GRID2: variants seen among roughly 807,000 people sequenced by gnomAD.
GRID2 encodes glutamate ionotropic receptor delta type subunit 2.
Under a neutral mutation model 114.8 loss-of-function variants are expected in GRID2, and 33 were observed. The ratio of observed to expected loss-of-function variants is 0.29; its 90% CI spans 0.22 to 0.38. GRID2 has a LOEUF of 0.38. Ranked by LOEUF, GRID2 falls within the 10% of genes least tolerant of loss-of-function variation. The probability of loss-of-function intolerance (pLI) is 1.00; values close to 1 mark genes in which losing one functional copy is unlikely to be tolerated. For synonymous variants in GRID2, 505 were observed against 449.9 expected, an observed-to-expected ratio of 1.12 and a Z score of -1.55; for missense variants, 1,184 against 1,257.7, an observed-to-expected ratio of 0.94 and a Z score of 0.89.
intron 14 of GRID2, among the ~76,000 whole-genome samples, chr4:93,763,414 A>G (rs937819735): frequency 2.6e-5 from 4 of 152,204 alleles, no homozygotes; most frequent in African/African-American, 9.6e-5. Context: ...GAGAAAAGCT[A>G]CATTTTCTCT....
chr4:92,977,203 A>G (rs1753932698), intron 2 of GRID2, among the ~76,000 whole-genome samples: 1 of 152,150 alleles, frequency 6.6e-6, no homozygotes, highest in African/African-American at 2.4e-5. Context: ...GTAATTTGTA[A>G]AAAGTGCGAT....
intron 8 of GRID2, among the ~76,000 whole-genome samples, chr4:93,341,758 T>A (rs1759679604): frequency 6.6e-6 from 1 of 152,130 alleles, no homozygotes; most frequent in Admixed American, 6.5e-5. Flanking sequence ...AGTTGTGGGA[T>A]TTGGGGCAAG....
intron 2 of GRID2, among the ~76,000 whole-genome samples, chr4:92,858,756 A>G (rs1409477173): frequency 6.6e-6 from 1 of 152,012 alleles, no homozygotes; most frequent in East Asian, 1.9e-4. Flanking sequence ...ACGGGGTTTC[A>G]CCATGTTAGC....
At chr4:93,628,352 A>G (rs936245569) in intron 14 of GRID2, among the ~76,000 whole-genome samples, 1 of 152,152 alleles carries the variant, frequency 6.6e-6, no homozygotes, top group Non-Finnish European at 1.5e-5. Flanking sequence ...ATATATGTAT[A>G]TAATATCAGT....
At chr4:92,505,219 C>T (rs1560676314) in intron 1 of GRID2, among the ~76,000 whole-genome samples, 1 of 151,942 alleles carries the variant, frequency 6.6e-6, no homozygotes, top group African/African-American at 2.4e-5. Flanking sequence ...TTGGAGCAAT[C>T]ATAATGTAAG....
At chr4:93,081,719 T>C (rs189844746) in intron 2 of GRID2, among the ~76,000 whole-genome samples, 1 of 152,298 alleles carries the variant, frequency 6.6e-6, no homozygotes, top group Admixed American at 6.5e-5. Context: ...CATTGAGATG[T>C]CATAGGTTTA....
intron 2 of GRID2, among the ~76,000 whole-genome samples, chr4:92,932,759 A>AT (rs1258520126): frequency 6.6e-6 from 1 of 151,342 alleles, no homozygotes; most frequent in African/African-American, 2.4e-5. Context: ...TGCAGGCAAA[A>AT]TGTGGATGAA....
intron 2 of GRID2, among the ~76,000 whole-genome samples, chr4:92,746,461 C>T (rs1737154181): frequency 6.6e-6 from 1 of 152,020 alleles, no homozygotes; most frequent in Non-Finnish European, 1.5e-5. Context: ...TGTTTAGTGG[C>T]TATTGTGTAG....
intron 2 of GRID2, among the ~76,000 whole-genome samples, chr4:92,801,360 A>AT (rs774734870): frequency 6.6e-6 from 1 of 151,900 alleles, no homozygotes; most frequent in African/African-American, 2.4e-5. Flanking sequence ...AAATTTTGTT[A>AT]TTTTTTATGC....
At chr4:93,085,316 A>G in intron 3 of GRID2, 37 bp downstream of exon 3, 1 of 1,474,940 alleles carries the variant, frequency 6.8e-7, no homozygotes, top group East Asian at 2.3e-5. Flanking sequence ...TTGTAAGCTG[A>G]TATTTGCATG....
chr4:93,193,317 A>G (rs184981674), intron 4 of GRID2, among the ~76,000 whole-genome samples: 1 of 152,036 alleles, frequency 6.6e-6, no homozygotes, highest in African/African-American at 2.4e-5. Context: ...CCCAAATCTC[A>G]TCTTGAATTG....
At chr4:93,472,989 C>CA (rs1411443262) in intron 11 of GRID2, among the ~76,000 whole-genome samples, 13 of 152,110 alleles carry the variant, frequency 8.5e-5, no homozygotes, top group Middle Eastern at 6.8e-3. Context: ...GATGGAGTGT[C>CA]AAAAAACAGT....
rs530859320 is a variant in GRID2 at position 92,628,886 on chromosome 4, T to A, written c.244+38600T>A. Among the ~76,000 whole-genome samples, 7 of 152,114 alleles carry A rather than the reference T, an allele frequency of 4.6e-5. 1 individual carries two copies. In the South Asian group the frequency reaches 1.4e-3, roughly 31 times the overall value. On this transcript the variant is annotated intron_variant, in intron 2 of 15. Transcript: ENST00000282020. ...AATCACTTGAAATCTTTTATTTTCT[T>A]TTAATCATTTTCCTTTCACTTTTTC...
At chr4:93,542,775 A>G (rs1732783123) in intron 13 of GRID2, among the ~76,000 whole-genome samples, 1 of 152,144 alleles carries the variant, frequency 6.6e-6, no homozygotes. Flanking sequence ...GGATGCAGAA[A>G]GACCTTATCT....
chr4:93,453,063 G>A (rs1399949505), intron 10 of GRID2, among the ~76,000 whole-genome samples: 5 of 110,168 alleles, frequency 4.5e-5, no homozygotes, highest in East Asian at 5.3e-4. Flanking sequence ...AACAGGCCCC[G>A]GTGTGTGATG....
intron 14 of GRID2, among the ~76,000 whole-genome samples, chr4:93,712,837 T>G (rs1325755195): frequency 6.6e-6 from 1 of 152,192 alleles, no homozygotes; most frequent in Admixed American, 6.5e-5. Flanking sequence ...ACTCTTATTA[T>G]AAGTTTTTTA....
Position 93,673,977 on chromosome 4 carries a change from C to CT in GRID2, c.2360+47551dup, listed in dbSNP as rs146777476. Among the ~76,000 whole-genome samples the CT allele has an allele frequency of 5.9e-3, 888 of 151,170 alleles. 9 individuals carry two copies. Among genetic ancestry groups the CT allele is most frequent in the African/African-American group, 0.02 (829 of 41,204 alleles). On this transcript the variant is annotated intron_variant, in intron 14 of 15. Coordinates refer to ENST00000282020, the MANE Select transcript of GRID2 (RefSeq NM_001510.4). ...TTCTTCACCTCCTTCTTCAACCCTG[C>CT]TTTTTTTTTCAGACTCATGACTTTT...
At chr4:92,556,990 T>C (rs1726882846) in intron 1 of GRID2, among the ~76,000 whole-genome samples, 1 of 152,132 alleles carries the variant, frequency 6.6e-6, no homozygotes. Flanking sequence ...AATAAGGACA[T>C]TTTACCTTTT....
At chr4:92,860,429 T>G (rs887181269) in intron 2 of GRID2, among the ~76,000 whole-genome samples, 1 of 152,168 alleles carries the variant, frequency 6.6e-6, no homozygotes, top group Non-Finnish European at 1.5e-5. Context: ...GACTATGATT[T>G]GTGAAAGTGC....
Sources: gnomAD v4.1 joint callset for allele counts (sites outside exome capture counted in the v4.1 genomes callset) on GRCh38, gnomAD v4.1.1 for gene constraint, MANE v1.5 for transcripts, NCBI Gene and HGNC (gene_info 2026-07-23, HGNC 2026-07-21) for gene names.